JPH3: variants seen among roughly 807,000 people sequenced by gnomAD.
The protein encoded by JPH3 is junctophilin-3.
JPH3 carries 11 observed loss-of-function variants against 59.6 expected under a neutral mutation model. The ratio of observed to expected loss-of-function variants is 0.18; its 90% CI spans 0.12 to 0.31. The LOEUF is 0.31. Among genes scored for constraint, JPH3 ranks in the 10% least tolerant of loss-of-function variants. JPH3 has a pLI of 1.00. For missense variants in JPH3, 1,202 were observed against 1,105.7 expected (o/e 1.09, Z -1.24); for synonymous variants, 673 against 483.6 (o/e 1.39, Z -5.14).
rs547931617 is a variant in JPH3, at chr16:87,679,006, G to A, written c.1161-5136G>A. 2.0e-5 allele frequency among the ~76,000 whole-genome samples: 3 copies of A among 152,340 alleles called. No homozygotes were observed. In the South Asian group the frequency reaches 6.2e-4, roughly 32 times the overall value. The stretch of plus-strand genomic sequence containing the variant: ...GAGTGTTAAGTCCACCTAGTTAGTG[G>A]TCATTCATTACCGTAGCCCGGGACA... On this transcript the variant is annotated intron_variant, in intron 2 of 4. Coordinates refer to ENST00000284262, the MANE Select transcript of JPH3 (RefSeq NM_020655.4).
chr16:87,638,143 C>A (rs1057363214), intron 1 of JPH3, among the ~76,000 whole-genome samples: 2 of 152,156 alleles, frequency 1.3e-5, no homozygotes, highest in South Asian at 4.1e-4. Flanking sequence ...TGGTCTCGAA[C>A]TCCTGACCTC....
intron 2 of JPH3, among the ~76,000 whole-genome samples, chr16:87,675,166 CAGA>C (rs2033112745): frequency 1.0e-5 from 1 of 98,366 alleles, no homozygotes; most frequent in African/African-American, 3.9e-5. Flanking sequence ...CCCCAGCTGG[CAGA>C]AGCTTTCACC....
At chr16:87,603,816 AC>A (rs1444509896) in intron 1 of JPH3, among the ~76,000 whole-genome samples, 2 of 152,100 alleles carry the variant, frequency 1.3e-5, no homozygotes, top group African/African-American at 4.8e-5. Context: ...CAGGCCGGAG[AC>A]CTGCGGGAAG....
At chr16:87,667,123 G>C (rs945922243) in intron 2 of JPH3, among the ~76,000 whole-genome samples, 1 of 152,228 alleles carries the variant, frequency 6.6e-6, no homozygotes, top group East Asian at 1.9e-4. Flanking sequence ...GGCCTCCCTG[G>C]AGTGGCCACG....
intron 2 of JPH3, 79 bp downstream of exon 2, chr16:87,645,114 C>G (rs151079043): frequency 7.0e-7 from 1 of 1,419,748 alleles, no homozygotes. Context: ...GTCCTGCTGT[C>G]GCTCAAGGCC....
At chr16:87,664,190 G>T (rs538063490) in intron 2 of JPH3, among the ~76,000 whole-genome samples, 1 of 152,150 alleles carries the variant, frequency 6.6e-6, no homozygotes. Flanking sequence ...AATTAGCTGG[G>T]CGTGGTGGAA....
chr16:87,609,025 G>C (rs566902012), intron 1 of JPH3, among the ~76,000 whole-genome samples: 7 of 152,308 alleles, frequency 4.6e-5, no homozygotes, highest in African/African-American at 1.7e-4. Flanking sequence ...GACAGAGCCA[G>C]ACCCCATCTC....
At chr16:87,615,722 C>T (rs2030930924) in intron 1 of JPH3, among the ~76,000 whole-genome samples, 1 of 152,214 alleles carries the variant, frequency 6.6e-6, no homozygotes, top group Admixed American at 6.5e-5. Flanking sequence ...GGGAGGGTCA[C>T]ACAGCCAGGG....
intron 2 of JPH3, among the ~76,000 whole-genome samples, chr16:87,680,521 C>G (rs1206734323): frequency 6.6e-6 from 1 of 152,246 alleles, no homozygotes; most frequent in African/African-American, 2.4e-5. Context: ...CGATCGCGAC[C>G]TTTTCCTCCA....
At chr16:87,638,498 G>A (rs1014384898) in intron 1 of JPH3, among the ~76,000 whole-genome samples, 1 of 152,270 alleles carries the variant, frequency 6.6e-6, no homozygotes, top group Middle Eastern at 3.4e-3. Context: ...CACTTGAAGG[G>A]GCGGCCTCAA....
chr16:87,672,947 C>G (rs191198809), intron 2 of JPH3, among the ~76,000 whole-genome samples: 2 of 152,298 alleles, frequency 1.3e-5, no homozygotes, highest in South Asian at 2.1e-4. Context: ...GAGTTCAAGA[C>G]CAGCTTGGCC....
At position 87,690,654 on chromosome 16, in the gene JPH3, G is replaced by C. The variant is rs567859563; in HGVS notation, c.2166+128G>C. On this transcript the variant is annotated intron_variant, in intron 4 of 4. Coordinates refer to ENST00000284262, the MANE Select transcript of JPH3 (RefSeq NM_020655.4). ...TCCTCTCCAGGGGTGGAGTAGGGTG[G>C]GGGTACAGCCGGGAGTGGTGGCCCT... 63 of 1,061,844 alleles carry C rather than the reference G, an allele frequency of 5.9e-5. 1 individual carries two copies. The highest frequency in any genetic ancestry group is 3.7e-5 in the Admixed American group (1 of 27,236). The allele number at this position is 1,061,844 out of a possible 1,614,324, so 65.8% of individuals were successfully genotyped here. A position where few individuals can be genotyped will look rare whatever the true frequency, so the allele number is the denominator to read the frequency against.
At chr16:87,641,303 A>C (rs190923074) in intron 1 of JPH3, among the ~76,000 whole-genome samples, 1 of 152,252 alleles carries the variant, frequency 6.6e-6, no homozygotes, top group African/African-American at 2.4e-5. Flanking sequence ...CCATCACTGG[A>C]GTCGGAGGTT....
chr16:87,683,374 C>T (rs565566097), intron 2 of JPH3, among the ~76,000 whole-genome samples: 18 of 151,842 alleles, frequency 1.2e-4, no homozygotes, highest in African/African-American at 3.9e-4. Flanking sequence ...GCGTGATCTC[C>T]GCTCACTGCA....
At chr16:87,614,191 G>A (rs558455662) in intron 1 of JPH3, among the ~76,000 whole-genome samples, 66 of 152,172 alleles carry the variant, frequency 4.3e-4, no homozygotes, top group African/African-American at 1.3e-3. Context: ...CTGCAGATAC[G>A]AGGAGCCGCG....
intron 1 of JPH3, among the ~76,000 whole-genome samples, chr16:87,607,725 A>G (rs1406403332): frequency 1.5e-4 from 23 of 152,266 alleles, no homozygotes; most frequent in Admixed American, 1.4e-3. Context: ...GTGCTTGGCT[A>G]TGACTATGAC....
At chr16:87,650,693 C>G (rs571401718) in intron 2 of JPH3, among the ~76,000 whole-genome samples, 6 of 152,298 alleles carry the variant, frequency 3.9e-5, no homozygotes, top group African/African-American at 1.4e-4. Flanking sequence ...ATTTTAGGGT[C>G]TGAAGAGAAG....
intron 1 of JPH3, among the ~76,000 whole-genome samples, chr16:87,606,453 T>C (rs1349081994): frequency 6.6e-6 from 1 of 152,342 alleles, no homozygotes; most frequent in East Asian, 1.9e-4. Flanking sequence ...CTGATTGAGC[T>C]GAGTAGCTCC....
At chr16:87,647,855 A>T (rs1054407333) in intron 2 of JPH3, among the ~76,000 whole-genome samples, 10 of 152,322 alleles carry the variant, frequency 6.6e-5, no homozygotes, top group African/African-American at 2.4e-4. Flanking sequence ...TCAGGCCTCA[A>T]AGGGGCACTA....
Sources: allele counts gnomAD v4.1 joint callset (sites outside exome capture counted in the v4.1 genomes callset), GRCh38; gene constraint gnomAD v4.1.1; transcripts MANE v1.5; gene names NCBI Gene and HGNC (gene_info 2026-07-23, HGNC 2026-07-21).